Variants in NIPBL observed in about 807,000 individuals in gnomAD.
NIPBL encodes nipped-B-like protein.
Under a neutral mutation model 321.8 loss-of-function variants are expected in NIPBL, and 19 were observed. The observed-to-expected ratio is 0.06, with a 90% CI of 0.04 to 0.09. The LOEUF (loss-of-function observed/expected upper bound fraction) is 0.09, where lower values mean the gene tolerates loss of function less well. NIPBL is among the 10% of genes least tolerant of loss of function. The pLI is 1.00. For missense variants in NIPBL, 2,210 were observed against 3,327.0 expected, an observed-to-expected ratio of 0.66 and a Z score of 8.26; for synonymous variants, 1,106 against 1,114.1, an observed-to-expected ratio of 0.99 and a Z score of 0.14.
chr5:36,982,737 T>A (rs1214734977), intron 9 of NIPBL, among the ~76,000 whole-genome samples: 1 of 151,832 alleles, frequency 6.6e-6, no homozygotes, highest in African/African-American at 2.4e-5. Flanking sequence ...TATAAACTCT[T>A]GAGTATTTTG....
chr5:36,925,088 G>A (rs957035694), intron 1 of NIPBL, among the ~76,000 whole-genome samples: 6 of 152,182 alleles, frequency 3.9e-5, no homozygotes, highest in Admixed American at 3.3e-4. Context: ...CTGTCTGACA[G>A]GAATCTGCTG....
chr5:37,061,231 C>T (rs1367079771), intron 45 of NIPBL, among the ~76,000 whole-genome samples: 1 of 152,146 alleles, frequency 6.6e-6, no homozygotes, highest in Non-Finnish European at 1.5e-5. Context: ...TCTTAGGAAA[C>T]AGCAGCCCAC....
At chr5:36,925,709 C>G (rs1173742633) in intron 1 of NIPBL, among the ~76,000 whole-genome samples, 2 of 152,126 alleles carry the variant, frequency 1.3e-5, no homozygotes, top group Non-Finnish European at 2.9e-5. Flanking sequence ...CCTGTTTTTG[C>G]CACTATTGCA....
At chr5:36,993,962 A>G (rs1035635793) in intron 10 of NIPBL, among the ~76,000 whole-genome samples, 3 of 152,164 alleles carry the variant, frequency 2.0e-5, no homozygotes, top group Non-Finnish European at 4.4e-5. Flanking sequence ...AAAAGGGAAG[A>G]TGTATACTCT....
chr5:37,008,128 T>A (rs779202297), intron 19 of NIPBL, 40 bp downstream of exon 19: 1 of 1,270,930 alleles, frequency 7.9e-7, no homozygotes, highest in Non-Finnish European at 1.2e-6. Flanking sequence ...ACCCCACAAA[T>A]AAAACAATAT....
Position 37,050,138 on chromosome 5 carries a change from A to C in NIPBL, c.6954+837A>C, listed in dbSNP as rs553700661. Among the ~76,000 whole-genome samples, 10 of 152,114 alleles carry C rather than the reference A, an allele frequency of 6.6e-5. No homozygotes were observed. The South Asian group carries it at 8.3e-4, about 13-fold the overall frequency. On this transcript the variant is annotated intron_variant, in intron 40 of 46. Coordinates refer to ENST00000282516, the MANE Select transcript of NIPBL (RefSeq NM_133433.4). The stretch of plus-strand genomic sequence containing the variant: ...GAGGGTTCTTTGTTGGGTGCTTTTT[A>C]TTATATATGCCTTTTAAACTTTTTT...
intron 23 of NIPBL, 89 bp from the exon 24 acceptor site, chr5:37,016,930 A>G (rs1439976491): frequency 2.1e-6 from 2 of 972,936 alleles, no homozygotes; most frequent in Admixed American, 3.0e-5. Flanking sequence ...TTTAAATTAT[A>G]CAATTTAGAT....
chr5:36,940,407 C>T (rs1419875682), intron 1 of NIPBL, among the ~76,000 whole-genome samples: 1 of 152,138 alleles, frequency 6.6e-6, no homozygotes, highest in East Asian at 1.9e-4. Context: ...TTTGTACGTA[C>T]CTTTTCTCCC....
At position 37,058,986 on chromosome 5, in the gene NIPBL, G is replaced by A; in HGVS notation, c.7506G>A (p.Lys2502=). The A allele has an allele frequency of 6.2e-7, 1 of 1,614,228 alleles. No homozygotes were observed. Among genetic ancestry groups the A allele is most frequent in the Non-Finnish European group, 8.5e-7 (1 of 1,180,040 alleles). ...AAGAAGAAGTTTCCAGGCCTCGGAAGTCACGGAAACGTGTAGATTCAGATT... is the reference window on the plus strand; with the variant it reads ...AAGAAGAAGTTTCCAGGCCTCGGAAATCACGGAAACGTGTAGATTCAGATT... The part of the protein sequence containing the change: ...DSEEEVSRPR[K]SRKRVDSDSD... The change falls in exon 44 of 47, where the codon AAG becomes AAA. Residue 2502 remains lysine (K), a synonymous_variant. Transcript: ENST00000282516.
At chr5:36,971,194 C>A (rs1170822403) in intron 7 of NIPBL, among the ~76,000 whole-genome samples, 158 bp downstream of exon 7, 1 of 151,504 alleles carries the variant, frequency 6.6e-6, no homozygotes, top group Non-Finnish European at 1.5e-5. Context: ...TAGTCTAGAG[C>A]AGGATTGGTC....
At chr5:37,061,319 G>A (rs933361672) in intron 45 of NIPBL, among the ~76,000 whole-genome samples, 13 of 152,122 alleles carry the variant, frequency 8.5e-5, no homozygotes, top group African/African-American at 2.7e-4. Flanking sequence ...TGGTATCTGC[G>A]GGAAATTGGT....
chr5:36,942,858 C>G (rs540464517), intron 1 of NIPBL, among the ~76,000 whole-genome samples: 17 of 151,570 alleles, frequency 1.1e-4, no homozygotes, highest in African/African-American at 3.6e-4. Context: ...TTTTTGAAAC[C>G]AATTGCACAA....
At chr5:37,001,250 A>C (rs372325383) in intron 14 of NIPBL, among the ~76,000 whole-genome samples, 172 bp downstream of exon 14, 1 of 152,136 alleles carries the variant, frequency 6.6e-6, no homozygotes, top group African/African-American at 2.4e-5. Flanking sequence ...TTGACTAGCA[A>C]CTGCTCTTTT....
intron 42 of NIPBL, among the ~76,000 whole-genome samples, chr5:37,056,640 C>G (rs914920469): frequency 1.3e-5 from 2 of 151,998 alleles, no homozygotes; most frequent in Admixed American, 6.6e-5. Flanking sequence ...TGGGTTTTTT[C>G]TTTTAACCTA....
At chr5:36,877,447 C>T (rs763110593) in intron 1 of NIPBL, among the ~76,000 whole-genome samples, 22 of 152,172 alleles carry the variant, frequency 1.4e-4, no homozygotes, top group Non-Finnish European at 2.9e-5. Flanking sequence ...AGGCCGCGGG[C>T]CAGCGGAATC....
At chr5:37,001,165 C>G (rs1746751997) in intron 14 of NIPBL, 87 bp downstream of exon 14, 2 of 878,346 alleles carry the variant, frequency 2.3e-6, no homozygotes, top group Non-Finnish European at 3.8e-6. Context: ...AGTGATGTGT[C>G]CTACCTTGAA....
chr5:36,893,501 T>TC (rs565037584), intron 1 of NIPBL, among the ~76,000 whole-genome samples: 1 of 152,062 alleles, frequency 6.6e-6, no homozygotes, highest in South Asian at 2.1e-4. Flanking sequence ...TTTTTTTTTT[T>TC]CAAACTTTAA....
intron 30 of NIPBL, 83 bp from the exon 31 acceptor site, chr5:37,026,146 G>A: frequency 1.3e-6 from 1 of 771,350 alleles, no homozygotes; most frequent in Non-Finnish European, 2.3e-6. Context: ...TTATAGCTTT[G>A]TGTTGGGCCT....
intron 11 of NIPBL, among the ~76,000 whole-genome samples, chr5:36,997,678 C>G (rs2149665010): frequency 6.6e-6 from 1 of 152,228 alleles, no homozygotes; most frequent in Middle Eastern, 3.4e-3. Flanking sequence ...TCCTGTTTTT[C>G]TTCACTTATT....
Sources: allele counts gnomAD v4.1 joint callset (sites outside exome capture counted in the v4.1 genomes callset), GRCh38; gene constraint gnomAD v4.1.1; transcripts MANE v1.5; gene names NCBI Gene and HGNC (gene_info 2026-07-23, HGNC 2026-07-21).